Variants in METTL1 observed in about 807,000 individuals in gnomAD.
METTL1 encodes the protein methyltransferase 1, tRNA methylguanosine.
In METTL1, 14 loss-of-function variants were observed where a neutral mutation model predicts 27.7. The ratio of observed to expected loss-of-function variants is 0.51; its 90% CI spans 0.33 to 0.79. The LOEUF (loss-of-function observed/expected upper bound fraction) is 0.79, where lower values mean the gene tolerates loss of function less well. Ranked by LOEUF, METTL1 falls within the 30% of genes least tolerant of loss-of-function variation. The pLI is 0.02. For missense variants in METTL1, 333 were observed against 359.6 expected (o/e 0.93, Z 0.60); for synonymous variants, 138 against 137.0 (o/e 1.01, Z -0.05).
Position 57,769,335 on chromosome 12 carries a change from G to C in METTL1, c.643C>G (p.Pro215Ala), listed in dbSNP as rs759115113. The change falls in exon 5 of 6, where the codon CCA (proline) becomes GCA (alanine). Residue 215 changes from proline (P) to alanine (A), a missense_variant. Transcript: ENST00000324871. ...TCCAGAGGCACACGCTCAAACAGTG[G>C]GTGCTCTTCGAAATGAGTGCACATC... Reference protein sequence around the residue: ...DWMCTHFEEHPLFERVPLEDL... With the variant: ...DWMCTHFEEHALFERVPLEDL... 8.7e-6 allele frequency: 14 copies of C among 1,613,970 alleles called. No individual in the cohort carries two copies. The highest frequency in any genetic ancestry group is 1.3e-5 in the African/African-American group (1 of 74,882).
chr12:57,769,964 C>T lies in METTL1; in HGVS notation c.275-8G>A. ...ACAGCGGTGACAGTTCCACTGCACA[C>T]AGAAATAGCAATGGAATCATCAACC... is the stretch of plus-strand genomic sequence containing the variant. On this transcript the variant is annotated splice_region_variant and splice_polypyrimidine_tract_variant and intron_variant, in intron 2 of 5. Coordinates refer to ENST00000324871, the MANE Select transcript of METTL1 (RefSeq NM_005371.6). 1 of 1,593,374 alleles carries T rather than the reference C, an allele frequency of 6.3e-7. No homozygotes were observed. Among genetic ancestry groups the T allele is most frequent in the Non-Finnish European group, 8.6e-7 (1 of 1,167,018 alleles).
At chr12:57,769,281 C>G in intron 5 of METTL1, 22 bp downstream of exon 5, 2 of 1,613,426 alleles carry the variant, frequency 1.2e-6, no homozygotes, top group Non-Finnish European at 1.7e-6. Context: ...GGGCCTCCAC[C>G]TCCTCTAGGT....
chr12:57,771,446 TCATAGGAC>T, intron 1 of METTL1, 189 bp from the exon 2 acceptor site: 1 of 1,474,740 alleles, frequency 6.8e-7, no homozygotes, highest in East Asian at 2.5e-5. Flanking sequence ...CCAGTGTGAA[TCATAGGAC>T]CATCATGAGG....
intron 2 of METTL1, among the ~76,000 whole-genome samples, chr12:57,770,373 C>T (rs1955415351): frequency 6.6e-6 from 1 of 152,154 alleles, no homozygotes; most frequent in South Asian, 2.1e-4. Flanking sequence ...AGTGCAGTGG[C>T]ACAATCTTGG....
At chr12:57,771,331 TGGGTGGGTGA>T in intron 1 of METTL1, 74 bp from the exon 2 acceptor site, 2 of 906,726 alleles carry the variant, frequency 2.2e-6, no homozygotes, top group Non-Finnish European at 3.3e-6. Flanking sequence ...TGAGAGTGTG[TGGGTGGGTGA>T]GGGTGGGAGG....
At position 57,769,890 on chromosome 12, in the gene METTL1, T is replaced by C; in HGVS notation, c.341A>G (p.Asp114Gly). 1 of 1,613,912 alleles carries C rather than the reference T, an allele frequency of 6.2e-7. No homozygotes were observed. The highest frequency in any genetic ancestry group is 8.5e-7 in the Non-Finnish European group (1 of 1,179,898). The change falls in exon 3 of 6, where the codon GAC becomes GGC. Residue 114 changes from aspartate to glycine, a missense_variant. Transcript: ENST00000324871. The part of the protein sequence containing the change: ...LGLEIRVKVS[D>G]YVQDRIRALR... ...GGCCCGAATCCGGTCTTGTACATAG[T>C]CTGAGACCTTCACCCGGATCTCCAG...
chr12:57,768,967 A>T lies in METTL1; in HGVS notation c.*29T>A, dbSNP rs1351399149. On this transcript the variant is annotated 3_prime_UTR_variant, in exon 6 of 6. Transcript: ENST00000324871. ...TGCTCTTTTCTCTAATCCCTGGGAG[A>T]CGAGGTCCAGCTAAGGTAGAGTAAG... 6.3e-7 allele frequency: 1 copy of T among 1,585,388 alleles called. No homozygotes were observed. Among genetic ancestry groups the T allele is most frequent in the Non-Finnish European group, 8.6e-7 (1 of 1,157,994 alleles).
chr12:57,769,492 ACC>A, intron 4 of METTL1, 71 bp downstream of exon 4: 1 of 1,578,152 alleles, frequency 6.3e-7, no homozygotes, highest in Non-Finnish European at 8.7e-7. Context: ...CCCTAAATGC[ACC>A]CCCACTGAAT....
intron 1 of METTL1, among the ~76,000 whole-genome samples, 194 bp downstream of exon 1, chr12:57,771,780 C>T (rs1414431371): frequency 2.0e-5 from 3 of 152,140 alleles, no homozygotes; most frequent in African/African-American, 7.2e-5. Context: ...AGACTTAGGC[C>T]CGAACGCCAC....
chr12:57,771,667 T>G (rs910684726), intron 1 of METTL1: 1 of 1,516,624 alleles, frequency 6.6e-7, no homozygotes, highest in African/African-American at 1.4e-5. Flanking sequence ...GCCTTTTTAT[T>G]AAATCCAACA....
chr12:57,771,802 A>G (rs183821806), intron 1 of METTL1, among the ~76,000 whole-genome samples, 172 bp downstream of exon 1: 71 of 151,164 alleles, frequency 4.7e-4, no homozygotes, highest in African/African-American at 1.6e-3. Flanking sequence ...CCCACTCTCA[A>G]CCCGCCAACT....
In METTL1 at chr12:57,769,353, T is replaced by A. The variant is rs1360704779; in HGVS notation, c.625A>T (p.Thr209Ser). The change falls in exon 5 of 6, where the codon ACT becomes TCT. Residue 209 changes from threonine to serine, a missense_variant. Transcript: ENST00000324871. ...DVLELHDWMC[T>S]HFEEHPLFER... ...AACAGTGGGTGCTCTTCGAAATGAG[T>A]GCACATCCAGTCGTGTAGCTCCAGC... 2 of 1,614,092 alleles carry A rather than the reference T, an allele frequency of 1.2e-6. No homozygotes were observed. The highest frequency in any genetic ancestry group is 1.3e-5 in the African/African-American group (1 of 75,022).
At position 57,771,505 on chromosome 12, in the gene METTL1, G is replaced by T. The variant is rs1955430703; in HGVS notation, c.111-248C>A. 2.6e-6 allele frequency: 4 copies of T among 1,524,066 alleles called. No homozygotes were observed. The South Asian group carries it at 4.8e-5, about 18-fold the overall frequency. 94.4% of individuals were successfully genotyped at this position (1,524,066 alleles called of 1,614,324 possible). ...CTGCCCAACTCCACTTCTGGCGGTTGATGTGACCCTGGCCGGGTAACTGCC... is the reference window on the plus strand; with the variant it reads ...CTGCCCAACTCCACTTCTGGCGGTTTATGTGACCCTGGCCGGGTAACTGCC... On this transcript the variant is annotated intron_variant, in intron 1 of 5. Transcript: ENST00000324871.
Position 57,771,087 on chromosome 12 carries a change from G to GT in METTL1, c.274+6dup, listed in dbSNP as rs751391897. 1 of 1,612,580 alleles carries GT rather than the reference G, an allele frequency of 6.2e-7. No individual in the cohort carries two copies. Reference sequence around the variant, plus strand: ...TTCTCACCCCAAAAAGAGGGCCTGAGTGTTACCTAACAGGCCACCATAGCC... The same window carrying GT: ...TTCTCACCCCAAAAAGAGGGCCTGAGTTGTTACCTAACAGGCCACCATAGCC... On this transcript the variant is annotated splice_region_variant and intron_variant, in intron 2 of 5. Transcript: ENST00000324871.
Position 57,771,238 on chromosome 12 carries a change from T to C in METTL1, c.130A>G (p.Met44Val), listed in dbSNP as rs1474623380. The C allele has an allele frequency of 6.2e-7, 1 of 1,613,582 alleles. No homozygotes were observed. The highest frequency in any genetic ancestry group is 8.5e-7 in the Non-Finnish European group (1 of 1,179,806). The change falls in exon 2 of 6, where the codon ATG becomes GTG. Residue 44 changes from methionine to valine, a missense_variant. Coordinates refer to ENST00000324871, the MANE Select transcript of METTL1 (RefSeq NM_005371.6). ...TLRYPVKPEE[M>V]DWSELYPEFF... The stretch of plus-strand genomic sequence containing the variant: ...TCTGGGTATAGCTCAGACCAGTCCA[T>C]CTCCTCTGGCTTCACAGGGCTATTG...
intron 1 of METTL1, chr12:57,771,475 C>G: frequency 1.3e-6 from 2 of 1,499,832 alleles, no homozygotes; most frequent in Non-Finnish European, 1.8e-6. Flanking sequence ...CCCATAAACG[C>G]TGACCTGCCC....
In METTL1 at chr12:57,771,998, G is replaced by T; in HGVS notation, c.86C>A (p.Pro29His). Residue 29 changes from proline to histidine, a missense_variant, in exon 1 of 6, where the codon CCC becomes CAC. Transcript: ENST00000324871. ...RYYRQRAHSN[P>H]MADHTLRYPV... ...CTAGCGCAGCGTGTGGTCCGCCATG[G>T]GGTTGGAGTGAGCACGTTGCCGGTA... 6.5e-7 allele frequency: 1 copy of T among 1,548,668 alleles called. No individual in the cohort carries two copies. Among genetic ancestry groups the T allele is most frequent in the Non-Finnish European group, 8.7e-7 (1 of 1,155,770 alleles).
chr12:57,770,971 A>G (rs1955422177), intron 2 of METTL1, 123 bp downstream of exon 2: 1 of 1,056,272 alleles, frequency 9.5e-7, no homozygotes, highest in Admixed American at 2.6e-5. Context: ...GAGCCTCTCC[A>G]TGCTGATGTC....
In METTL1 at chr12:57,769,094, G is replaced by A. The variant is rs1345302459; in HGVS notation, c.733C>T (p.Leu245=). Residue 245 remains leucine, a synonymous_variant, in exon 6 of 6, where the codon CTA becomes TTA. Coordinates refer to ENST00000324871, the MANE Select transcript of METTL1 (RefSeq NM_005371.6). ...GTSTEEGKKV[L]RNGGKNFPAI... is the part of the protein sequence containing the mutation. ...GGGAAATTCTTCCCTCCATTACGTA[G>A]AACTTTCTTCCCCTCCTCAGTTGAG... 12 of 1,611,176 alleles carry A rather than the reference G, an allele frequency of 7.4e-6. No individual in the cohort carries two copies. The highest frequency in any genetic ancestry group is 1.3e-5 in the African/African-American group (1 of 74,880).
Sources: gnomAD v4.1 joint callset for allele counts (sites outside exome capture counted in the v4.1 genomes callset) on GRCh38, gnomAD v4.1.1 for gene constraint, MANE v1.5 for transcripts, NCBI Gene and HGNC (gene_info 2026-07-23, HGNC 2026-07-21) for gene names.